The following TFAP2B variants were observed in gnomAD, a reference collection of about 807,000 sequenced individuals.
TFAP2B encodes transcription factor AP-2 beta.
Under a neutral mutation model 44.3 loss-of-function variants are expected in TFAP2B, and 9 were observed. The observed-to-expected ratio is 0.20, with a 90% CI of 0.12 to 0.35. TFAP2B has a LOEUF of 0.35. Ranked by LOEUF, TFAP2B falls within the 10% of genes least tolerant of loss-of-function variation. The probability of loss-of-function intolerance (pLI) is 1.00; values close to 1 mark genes in which losing one functional copy is unlikely to be tolerated. For synonymous variants in TFAP2B, 270 were observed against 263.8 expected, an observed-to-expected ratio of 1.02 and a Z score of -0.23; for missense variants, 509 against 600.0, an observed-to-expected ratio of 0.85 and a Z score of 1.59.
In TFAP2B at chr6:50,842,965, G is replaced by A. The variant is rs543439258; in HGVS notation, c.1083-127G>A. On this transcript the variant is annotated intron_variant, in intron 6 of 6. Coordinates refer to ENST00000393655, the MANE Select transcript of TFAP2B (RefSeq NM_003221.4). ...GGGCGCTGGGAAAGGAAACAGAGCG[G>A]AATCGCCCACATTAGCCTCGCTCTT... 55 of 1,281,972 alleles carry A rather than the reference G, an allele frequency of 4.3e-5. 1 individual carries two copies. Among genetic ancestry groups the A allele is most frequent in the South Asian group, 4.1e-4 (34 of 83,658 alleles). 79.4% of individuals were successfully genotyped at this position (1,281,972 alleles called of 1,614,324 possible). A position where few individuals can be genotyped will look rare whatever the true frequency, so the allele number is the denominator to read the frequency against.
In TFAP2B at chr6:50,823,408, A is replaced by C; in HGVS notation, c.83A>C (p.Asp28Ala). The C allele has an allele frequency of 1.3e-6, 2 of 1,586,448 alleles. No individual in the cohort carries two copies. Among genetic ancestry groups the C allele is most frequent in the Non-Finnish European group, 1.7e-6 (2 of 1,167,208 alleles). Residue 28 changes from aspartate to alanine, a missense_variant and splice_region_variant, in exon 2 of 7, where the codon GAC (aspartate) becomes GCC (alanine). Asp to Ala is a moderately radical substitution (Grantham distance 126). Coordinates refer to ENST00000393655, the MANE Select transcript of TFAP2B (RefSeq NM_003221.4). ...ENVKYEDIYE[D>A]RHDGVPSHSS... ...TCCCCTTCCTCTCTCCGCTCCCAGG[A>C]CCGGCACGATGGTGTCCCGAGCCAC... is the stretch of plus-strand genomic sequence containing the variant.
chr6:50,819,470 G>T (rs1239651707), intron 1 of TFAP2B, among the ~76,000 whole-genome samples: 1 of 152,072 alleles, frequency 6.6e-6, no homozygotes, highest in African/African-American at 2.4e-5. Flanking sequence ...GAATTAGCGG[G>T]AAAGAAGTAG....
chr6:50,818,758 T>C, upstream of TFAP2B: 1 of 752,518 alleles, frequency 1.3e-6, no homozygotes, highest in South Asian at 1.6e-5. Context: ...GTCCAGCCTA[T>C]TGTTTGAGAC....
intron 5 of TFAP2B, 132 bp downstream of exon 5, chr6:50,838,225 G>T: frequency 1.2e-6 from 1 of 846,778 alleles, no homozygotes; most frequent in Non-Finnish European, 2.0e-6. Flanking sequence ...GATGTCAAGC[G>T]GCTTCTTGAG....
At chr6:50,822,098 T>C (rs1473492449) in intron 1 of TFAP2B, 1 of 1,301,686 alleles carries the variant, frequency 7.7e-7, no homozygotes, top group Non-Finnish European at 1.0e-6. Context: ...TTAATCATTG[T>C]TTGATTTTGA....
chr6:50,823,541 C>G lies in TFAP2B; in HGVS notation c.216C>G (p.Pro72=). The G allele has an allele frequency of 6.2e-7, 1 of 1,614,018 alleles. No individual in the cohort carries two copies. The highest frequency in any genetic ancestry group is 8.5e-7 in the Non-Finnish European group (1 of 1,180,002). The change falls in exon 2 of 7, where the codon CCC becomes CCG. Residue 72 remains proline, a synonymous_variant. Transcript: ENST00000393655. The part of the protein sequence containing the change: ...SSDFQPPYFP[P]PYQPLPYHQS... Reference sequence around the variant, plus strand: ...ACTTCCAGCCGCCCTACTTCCCACCCCCCTACCAGCCGCTCCCCTACCACC... The same window carrying G: ...ACTTCCAGCCGCCCTACTTCCCACCGCCCTACCAGCCGCTCCCCTACCACC...
intron 1 of TFAP2B, chr6:50,822,112 G>A (rs1241483578): frequency 1.5e-6 from 2 of 1,302,282 alleles, no homozygotes; most frequent in Non-Finnish European, 2.0e-6. Flanking sequence ...ATTTTGAGCA[G>A]TAACCAGGCT....
intron 2 of TFAP2B, among the ~76,000 whole-genome samples, chr6:50,828,248 T>A (rs534642225): frequency 6.6e-6 from 1 of 152,330 alleles, no homozygotes; most frequent in Non-Finnish European, 1.5e-5. Flanking sequence ...TGGGATAGAA[T>A]GGAAAACACA....
At chr6:50,836,329 A>C in intron 4 of TFAP2B, 49 bp downstream of exon 4, 4 of 1,493,768 alleles carry the variant, frequency 2.7e-6, no homozygotes, top group Non-Finnish European at 3.7e-6. Context: ...ACAAACAAAA[A>C]CCCACCAGTT....
chr6:50,836,155 C>G lies in TFAP2B; in HGVS notation c.696C>G (p.Ser232=). Residue 232 remains serine (S), a synonymous_variant, in exon 4 of 7, where the codon TCC becomes TCG. Coordinates refer to ENST00000393655, the MANE Select transcript of TFAP2B (RefSeq NM_003221.4). ...TCAACACCGGCGAGGTGTTTTGCTC[C>G]GTCCCAGGCCGTTTGTCTCTGCTCA... The part of the protein sequence containing the change: ...MSVNTGEVFC[S]VPGRLSLLSS... The G allele has an allele frequency of 1.2e-6, 2 of 1,614,112 alleles. No individual in the cohort carries two copies. Among genetic ancestry groups the G allele is most frequent in the Non-Finnish European group, 1.7e-6 (2 of 1,180,032 alleles).
chr6:50,835,896 T>G (rs1554164475), intron 3 of TFAP2B, among the ~76,000 whole-genome samples, 165 bp from the exon 4 acceptor site: 1 of 152,208 alleles, frequency 6.6e-6, no homozygotes, highest in Non-Finnish European at 1.5e-5. Flanking sequence ...CATCTGTTTG[T>G]TTACAGCTCT....
chr6:50,830,609 T>A (rs908446496), intron 3 of TFAP2B, among the ~76,000 whole-genome samples: 6 of 152,218 alleles, frequency 3.9e-5, no homozygotes, highest in African/African-American at 1.4e-4. Flanking sequence ...ATGAATATGA[T>A]GAAATGGTAG....
At position 50,843,098 on chromosome 6, in the gene TFAP2B, T is replaced by C; in HGVS notation, c.1089T>C (p.Leu363=). The C allele has an allele frequency of 6.2e-7, 1 of 1,614,246 alleles. No individual in the cohort carries two copies. The highest frequency in any genetic ancestry group is 8.5e-7 in the Non-Finnish European group (1 of 1,180,044). Residue 363 remains leucine, a synonymous_variant, in exon 7 of 7, where the codon CTT becomes CTC. Transcript: ENST00000393655. ...CTCGCCCACCCCTTTGCAGGCAACT[T>C]TGTAAAGAATTTACGGATCTACTGG... The part of the protein sequence containing the change: ...RKNMLLATKQ[L]CKEFTDLLAQ...
Position 50,836,025 on chromosome 6 carries a change from T to C in TFAP2B, c.602-36T>C, listed in dbSNP as rs1762613912. 5 of 1,554,140 alleles carry C rather than the reference T, an allele frequency of 3.2e-6. No homozygotes were observed. The South Asian group carries it at 5.6e-5, about 17-fold the overall frequency. On this transcript the variant is annotated intron_variant, in intron 3 of 6. Transcript: ENST00000393655. Reference sequence around the variant, plus strand: ...TCAGCCGGTCATCAGGATCGAAACTTGGTCACCTTTATGGCAATTTTTTCT... The same window carrying C: ...TCAGCCGGTCATCAGGATCGAAACTCGGTCACCTTTATGGCAATTTTTTCT...
At position 50,845,034 on chromosome 6, in the gene TFAP2B, TC is replaced by T. The variant is rs886061581; in HGVS notation, c.*1644del. On this transcript the variant is annotated 3_prime_UTR_variant, in exon 7 of 7. Transcript: ENST00000393655. The stretch of plus-strand genomic sequence containing the variant: ...TATTTCTCACTTCTGGCAGCCCAGC[TC>T]CTTTCTTGGGCTCCATCTTAGCATT... 3.3e-5 allele frequency: 5 copies of T among 152,310 alleles called. No individual in the cohort carries two copies. Among genetic ancestry groups the T allele is most frequent in the South Asian group, 2.1e-4 (1 of 4,824 alleles). The allele number at this position is 152,310 out of a possible 1,614,324, so 9.4% of individuals were successfully genotyped here. A position where few individuals can be genotyped will look rare whatever the true frequency, so the allele number is the denominator to read the frequency against.
rs984138399 is a variant in TFAP2B at position 50,847,023 on chromosome 6, G to GC, written c.*3632dup. On this transcript the variant is annotated 3_prime_UTR_variant, in exon 7 of 7. Coordinates refer to ENST00000393655, the MANE Select transcript of TFAP2B (RefSeq NM_003221.4). ...CTACACACTGTTCCTCTGCTACAAT[G>GC]CTTTCCTAGTTAAGAGTGTTTATAG... is the stretch of plus-strand genomic sequence containing the variant. 4.1e-4 allele frequency: 63 copies of GC among 152,734 alleles called. No homozygotes were observed. The highest frequency in any genetic ancestry group is 1.5e-3 in the African/African-American group (61 of 41,560). The allele number at this position is 152,734 out of a possible 1,614,324, so 9.5% of individuals were successfully genotyped here.
rs1762816652 is a variant in TFAP2B, at chr6:50,845,008, ATATTTCTCAC to A, written c.*1618_*1627del. On this transcript the variant is annotated 3_prime_UTR_variant, in exon 7 of 7. Transcript: ENST00000393655. ...CAGTGGATAAAGTTTCATGCATTTA[ATATTTCTCAC>A]TTCTGGCAGCCCAGCTCCTTTCTTG... 6.6e-6 allele frequency: 1 copy of A among 152,180 alleles called. No individual in the cohort carries two copies. The highest frequency in any genetic ancestry group is 2.1e-4 in the South Asian group (1 of 4,834). 9.4% of individuals were successfully genotyped at this position (152,180 alleles called of 1,614,324 possible).
At position 50,847,334 on chromosome 6, in the gene TFAP2B, C is replaced by T. The variant is rs946803075; in HGVS notation, c.*3942C>T. The T allele has an allele frequency of 6.6e-6, 1 of 152,504 alleles. No individual in the cohort carries two copies. Among genetic ancestry groups the T allele is most frequent in the East Asian group, 1.9e-4 (1 of 5,202 alleles). The allele number at this position is 152,504 out of a possible 1,614,324, so 9.4% of individuals were successfully genotyped here. On this transcript the variant is annotated 3_prime_UTR_variant, in exon 7 of 7. Transcript: ENST00000393655. ...GAAATATCAATCTATTGACTCTTCA[C>T]GAGAAGAGCTCTGGAGGGTATTCAT...
At chr6:50,830,262 C>A (rs1404303697) in intron 3 of TFAP2B, 3 of 981,262 alleles carry the variant, frequency 3.1e-6, no homozygotes, top group Non-Finnish European at 3.6e-6. Context: ...GGGGAACATG[C>A]CCAACAGATG....
Sources: allele counts gnomAD v4.1 joint callset (sites outside exome capture counted in the v4.1 genomes callset), GRCh38; gene constraint gnomAD v4.1.1; transcripts MANE v1.5; gene names NCBI Gene and HGNC (gene_info 2026-07-23, HGNC 2026-07-21).